Variants in SGPP2 observed in about 807,000 individuals in gnomAD.
SGPP2 encodes the protein sphingosine 1-phosphate phosphohydrolase 2.
A neutral mutation model predicts 33.9 loss-of-function variants in SGPP2; 30 were observed. The ratio of observed to expected loss-of-function variants is 0.89; its 90% confidence interval spans 0.66 to 1.20. SGPP2 has a LOEUF of 1.20. SGPP2 is among the 50% of genes most tolerant of loss of function. SGPP2 has a pLI of 0.00. For synonymous variants in SGPP2, 233 were observed against 225.0 expected, an observed-to-expected ratio of 1.04 and a Z score of -0.32; for missense variants, 458 against 532.1, an observed-to-expected ratio of 0.86 and a Z score of 1.37.
rs753492926 is a variant in SGPP2 at position 222,558,449 on chromosome 2, G to T, written c.751G>T (p.Val251Leu). ...CLDSASPLFP[V>L]CVIVVPFFLC... ...GGACTCGGCCAGCCCCCTCTTCCCC[G>T]TGTGTGTCATAGTTGTGCCATTCTT... Residue 251 changes from valine to leucine, a missense_variant, in exon 5 of 5, where the codon GTG becomes TTG. Val to Leu is a conservative substitution (Grantham distance 32, BLOSUM62 1). Coordinates refer to ENST00000321276, the MANE Select transcript of SGPP2 (RefSeq NM_152386.4). The T allele has an allele frequency of 4.3e-6, 7 of 1,613,954 alleles. No individual in the cohort carries two copies. Among genetic ancestry groups the T allele is most frequent in the African/African-American group, 1.3e-5 (1 of 74,880 alleles).
rs116071517 is a variant in SGPP2, at chr2:222,525,845, G to A, written c.648+812G>A. 3.7e-3 allele frequency among the ~76,000 whole-genome samples: 562 copies of A among 152,292 alleles called. 1 individual carries two copies. Among genetic ancestry groups the A allele is most frequent in the African/African-American group, 0.013 (542 of 41,562 alleles). ...GGAGGGAAAGGCCTACACCCCACAC[G>A]GGCCTTCTTGCTTCTCTCCCTGGTC... On this transcript the variant is annotated intron_variant, in intron 4 of 4. Coordinates refer to ENST00000321276, the MANE Select transcript of SGPP2 (RefSeq NM_152386.4).
chr2:222,495,830 C>T (rs1408491279), intron 2 of SGPP2, among the ~76,000 whole-genome samples: 2 of 152,198 alleles, frequency 1.3e-5, no homozygotes, highest in Non-Finnish European at 2.9e-5. Context: ...TGACCAAACT[C>T]TAATTAAGTT....
rs748195335 is a variant in SGPP2, at chr2:222,460,014, T to C, written c.220-14554T>C. On this transcript the variant is annotated intron_variant, in intron 1 of 4. Transcript: ENST00000321276. This position sits in a 1 kb window ranked among gnomAD's most constrained non-coding sequence, Gnocchi z 4.3. ...TTGACAAGCTCTGTTTCCTTGGGCA[T>C]AGGAACCACAGTCCCTGTTTTCAGA... 5.3e-5 allele frequency among the ~76,000 whole-genome samples: 8 copies of C among 152,204 alleles called. No homozygotes were observed. The highest frequency in any genetic ancestry group is 8.8e-5 in the Non-Finnish European group (6 of 68,018).
chr2:222,482,040 C>A (rs1392740828), intron 2 of SGPP2, among the ~76,000 whole-genome samples: 2 of 152,158 alleles, frequency 1.3e-5, no homozygotes, highest in East Asian at 3.8e-4. Flanking sequence ...TTGATCATCT[C>A]CCAGATTGGA....
intron 4 of SGPP2, among the ~76,000 whole-genome samples, chr2:222,532,443 A>T (rs1698852935): frequency 6.6e-6 from 1 of 152,122 alleles, no homozygotes; most frequent in Non-Finnish European, 1.5e-5. Context: ...GGCTTTGCTG[A>T]CGGGCTCCAG....
At chr2:222,453,771 G>A (rs935899251) in intron 1 of SGPP2, among the ~76,000 whole-genome samples, 2 of 152,090 alleles carry the variant, frequency 1.3e-5, no homozygotes, top group South Asian at 2.1e-4. Flanking sequence ...TTAACAGTAG[G>A]CTATTAGTAG....
intron 1 of SGPP2, among the ~76,000 whole-genome samples, chr2:222,454,337 G>A (rs1697538357): frequency 6.6e-6 from 1 of 152,142 alleles, no homozygotes; most frequent in Admixed American, 6.5e-5. Context: ...TCTGCTGTCT[G>A]GATTTGACTT....
rs373012454 is a variant in SGPP2, at chr2:222,496,083, G to A, written c.378+21357G>A. 8.8e-4 allele frequency among the ~76,000 whole-genome samples: 134 copies of A among 152,206 alleles called. No individual in the cohort carries two copies. The Middle Eastern group carries it at 0.014, about 15-fold the overall frequency. On this transcript the variant is annotated intron_variant, in intron 2 of 4. Transcript: ENST00000321276. ...GTCACATAGTGCCCCGACTCCCTTCGTGCAAGAATCCTTTCGAATGGCATC... is the reference window on the plus strand; with the variant it reads ...GTCACATAGTGCCCCGACTCCCTTCATGCAAGAATCCTTTCGAATGGCATC...
chr2:222,532,382 C>T (rs1427517831), intron 4 of SGPP2, among the ~76,000 whole-genome samples: 1 of 152,184 alleles, frequency 6.6e-6, no homozygotes, highest in Non-Finnish European at 1.5e-5. Flanking sequence ...TTGCTTATCC[C>T]GCCTCTTAGG....
chr2:222,453,093 A>G (rs1308648203), intron 1 of SGPP2: 2 of 1,007,686 alleles, frequency 2.0e-6, no homozygotes, highest in Non-Finnish European at 3.1e-6. Flanking sequence ...TGCCTTTGGG[A>G]CTGGTAGGAG....
intron 2 of SGPP2, among the ~76,000 whole-genome samples, chr2:222,495,482 A>G (rs577468557): frequency 6.6e-5 from 10 of 152,314 alleles, no homozygotes; most frequent in African/African-American, 2.2e-4. Flanking sequence ...TTCTCCTGCA[A>G]ATGAAAAACT....
rs187353777 is a variant in SGPP2 at position 222,556,300 on chromosome 2, C to G, written c.649-2047C>G. Among the ~76,000 whole-genome samples, 231 of 152,116 alleles carry G rather than the reference C, an allele frequency of 1.5e-3. 2 individuals are homozygous for G. The East Asian group carries it at 0.04, about 26-fold the overall frequency. On this transcript the variant is annotated intron_variant, in intron 4 of 4. Coordinates refer to ENST00000321276, the MANE Select transcript of SGPP2 (RefSeq NM_152386.4). ...TATTCATACACCCAAGAAAAGAAACCACAGGGAGGGAGGCTGCAGAGATGG... is the reference window on the plus strand; with the variant it reads ...TATTCATACACCCAAGAAAAGAAACGACAGGGAGGGAGGCTGCAGAGATGG...
At chr2:222,506,821 A>G (rs1468307573) in intron 2 of SGPP2, among the ~76,000 whole-genome samples, 1 of 152,150 alleles carries the variant, frequency 6.6e-6, no homozygotes, top group African/African-American at 2.4e-5. Context: ...GAAGTAAGCC[A>G]ATTTAAAGAC....
In SGPP2 at chr2:222,476,716, ATATG is replaced by A. The variant is rs780964854; in HGVS notation, c.378+1996_378+1999del. Among the ~76,000 whole-genome samples, 22 of 151,894 alleles carry A rather than the reference ATATG, an allele frequency of 1.4e-4. No homozygotes were observed. The South Asian group carries it at 3.5e-3, about 24-fold the overall frequency. Reference sequence around the variant, plus strand: ...GCGTGTGTAAGGTATAACTGTATATATATGTATGTGTGTATATAGGTGTGTGTGT... The same window carrying A: ...GCGTGTGTAAGGTATAACTGTATATATATGTGTGTATATAGGTGTGTGTGT... On this transcript the variant is annotated intron_variant, in intron 2 of 4. Transcript: ENST00000321276. This position sits in a 1 kb window ranked among gnomAD's most constrained non-coding sequence, Gnocchi z 4.3.
intron 1 of SGPP2, among the ~76,000 whole-genome samples, chr2:222,470,073 A>G (rs1415844876): frequency 6.6e-6 from 1 of 152,178 alleles, no homozygotes; most frequent in Non-Finnish European, 1.5e-5. Flanking sequence ...ACGAGAACAC[A>G]TGGACACAGG....
intron 4 of SGPP2, among the ~76,000 whole-genome samples, chr2:222,539,731 C>T (rs1181325749): frequency 6.6e-6 from 1 of 152,188 alleles, no homozygotes; most frequent in East Asian, 1.9e-4. Context: ...CTAGATTCTG[C>T]AAGAAGGCAT....
intron 4 of SGPP2, among the ~76,000 whole-genome samples, chr2:222,546,592 A>G (rs1689206434): frequency 6.6e-6 from 1 of 152,202 alleles, no homozygotes; most frequent in Admixed American, 6.5e-5. Flanking sequence ...CACAGGAGCC[A>G]GGACTCAACA....
At chr2:222,439,838 G>A (rs1559143923) in intron 1 of SGPP2, among the ~76,000 whole-genome samples, 5 of 152,154 alleles carry the variant, frequency 3.3e-5, no homozygotes. Flanking sequence ...TTGTGGTGAT[G>A]GAATGTTCTG....
intron 4 of SGPP2, among the ~76,000 whole-genome samples, chr2:222,541,632 G>A (rs1402844531): frequency 6.7e-6 from 1 of 150,196 alleles, no homozygotes; most frequent in Non-Finnish European, 1.5e-5. Flanking sequence ...ATTTATTTTT[G>A]AGATGGAGTC....
Sources: gnomAD v4.1 joint callset for allele counts (sites outside exome capture counted in the v4.1 genomes callset) on GRCh38, gnomAD v4.1.1 for gene constraint, Gnocchi (gnomAD v3.1) non-coding constraint, MANE v1.5 for transcripts, NCBI Gene and HGNC (gene_info 2026-07-23, HGNC 2026-07-21) for gene names.